MSH4: variants seen among roughly 807,000 people sequenced by gnomAD.
The protein encoded by MSH4 is mutS homolog 4.
MSH4 carries 106 observed loss-of-function variants against 113.7 expected under a neutral mutation model. The observed-to-expected ratio is 0.93, with a 90% confidence interval of 0.80 to 1.10. MSH4 has a LOEUF of 1.10. Ranked by LOEUF, MSH4 falls within the 50% of genes least tolerant of loss-of-function variation. The probability of loss-of-function intolerance (pLI) is 0.00; values close to 1 mark genes in which losing one functional copy is unlikely to be tolerated. For missense variants in MSH4, 1,061 were observed against 1,093.7 expected (o/e 0.97, Z 0.42); for synonymous variants, 368 against 380.2 (o/e 0.97, Z 0.37).
At chr1:75,797,291 CG>C in intron 1 of MSH4, 62 bp downstream of exon 1, 2 of 1,537,856 alleles carry the variant, frequency 1.3e-6, no homozygotes, top group Non-Finnish European at 8.8e-7. Flanking sequence ...CATGGAGGCT[CG>C]GGGGCACGTG....
At position 75,810,769 on chromosome 1, in the gene MSH4, T is replaced by C; in HGVS notation, c.661T>C (p.Ser221Pro). 3 of 1,591,070 alleles carry C rather than the reference T, an allele frequency of 1.9e-6. No homozygotes were observed. The highest frequency in any genetic ancestry group is 2.6e-6 in the Non-Finnish European group (3 of 1,170,618). ...MSNTACAVGNSTKLFTLITEN... is the reference protein window; with the variant it reads ...MSNTACAVGNPTKLFTLITEN... Reference sequence around the variant, plus strand: ...AAATACTGCTTGTGCTGTGGGGAATTCCACCAAGTTGTTCACTCTGATCAC... The same window carrying C: ...AAATACTGCTTGTGCTGTGGGGAATCCCACCAAGTTGTTCACTCTGATCAC... Residue 221 changes from serine (S) to proline (P), a missense_variant, in exon 4 of 20, where the codon TCC becomes CCC. Physicochemically the swap from Ser to Pro is moderately conservative, Grantham distance 74. Transcript: ENST00000263187.
intron 1 of MSH4, among the ~76,000 whole-genome samples, chr1:75,799,077 A>T (rs1185332533): frequency 6.6e-6 from 1 of 152,188 alleles, no homozygotes. Context: ...CTGCTTTCTA[A>T]CAAAACTGAG....
At chr1:75,821,284 AC>A (rs1219377167) in intron 6 of MSH4, among the ~76,000 whole-genome samples, 2 of 152,168 alleles carry the variant, frequency 1.3e-5, no homozygotes, top group Non-Finnish European at 2.9e-5. Context: ...TAGAAACTGA[AC>A]AACCTGCTCC....
rs1231340278 is a variant in MSH4 at position 75,824,248 on chromosome 1, A to G, written c.1162+1667A>G. On this transcript the variant is annotated intron_variant, in intron 7 of 19. Transcript: ENST00000263187. The stretch of plus-strand genomic sequence containing the variant: ...CCAGTGATGATGAGCTTTTTTTCAT[A>G]TGTTTGATGGCCGCACAAATGTCTT... Among the ~76,000 whole-genome samples the G allele has an allele frequency of 2.0e-5, 3 of 152,090 alleles. No individual in the cohort carries two copies. In the East Asian group the frequency reaches 5.8e-4, roughly 29 times the overall value.
At chr1:75,905,695 T>C (rs1421406930) in intron 19 of MSH4, among the ~76,000 whole-genome samples, 3 of 152,162 alleles carry the variant, frequency 2.0e-5, no homozygotes, top group African/African-American at 7.2e-5. Context: ...TCTCTTTATA[T>C]CTATGAATTT....
Position 75,858,428 on chromosome 1 carries a change from G to A in MSH4, c.1231-9086G>A, listed in dbSNP as rs1410947742. Among the ~76,000 whole-genome samples the A allele has an allele frequency of 2.0e-5, 3 of 152,168 alleles. 1 individual carries two copies. Among genetic ancestry groups the A allele is most frequent in the South Asian group, 4.1e-4 (2 of 4,834 alleles). On this transcript the variant is annotated intron_variant, in intron 8 of 19. Coordinates refer to ENST00000263187, the MANE Select transcript of MSH4 (RefSeq NM_002440.4). ...TGTCATTAATAGCTCTTATTATGTT[G>A]AGATACATTCCATTGATACCCACTT... is the stretch of plus-strand genomic sequence containing the variant.
At chr1:75,867,640 T>A in intron 9 of MSH4, 52 bp downstream of exon 9, 2 of 1,258,748 alleles carry the variant, frequency 1.6e-6, no homozygotes, top group Non-Finnish European at 2.2e-6. Context: ...ATTTTTTAAC[T>A]TTTTGTTGGA....
chr1:75,851,368 T>A (rs1402638028), intron 8 of MSH4, among the ~76,000 whole-genome samples: 1 of 152,066 alleles, frequency 6.6e-6, no homozygotes, highest in Non-Finnish European at 1.5e-5. Flanking sequence ...TGACTTAGGG[T>A]TTATAGACTA....
intron 19 of MSH4, among the ~76,000 whole-genome samples, chr1:75,907,706 A>ATATATATATG (rs1652697454): frequency 7.6e-6 from 1 of 131,868 alleles, no homozygotes; most frequent in Admixed American, 7.7e-5. Flanking sequence ...ATATATATAT[A>ATATATATATG]TATATATATA....
chr1:75,885,946 A>G (rs3930135), intron 15 of MSH4, among the ~76,000 whole-genome samples: 6,059 of 19,334 alleles, frequency 0.31, 686 homozygotes, highest in East Asian at 0.89. Flanking sequence ...AACATATATA[A>G]TATATATGAT....
intron 6 of MSH4, among the ~76,000 whole-genome samples, chr1:75,817,960 T>C (rs1650326794): frequency 6.6e-6 from 1 of 152,188 alleles, no homozygotes; most frequent in African/African-American, 2.4e-5. Context: ...CACCTCAGAT[T>C]TGATCCATCA....
chr1:75,848,752 T>C (rs5745411), intron 8 of MSH4, among the ~76,000 whole-genome samples: 39,459 of 151,916 alleles, frequency 0.26, 6,525 homozygotes, highest in East Asian at 0.68. Context: ...AAAAAATTGC[T>C]TTTTAGATAG....
chr1:75,849,689 G>A (rs1465624647), intron 8 of MSH4, among the ~76,000 whole-genome samples: 3 of 152,244 alleles, frequency 2.0e-5, no homozygotes, highest in Non-Finnish European at 2.9e-5. Context: ...AATTAAATTA[G>A]CAGCCCTCAT....
At chr1:75,819,261 C>G (rs778855415) in intron 6 of MSH4, among the ~76,000 whole-genome samples, 5 of 152,076 alleles carry the variant, frequency 3.3e-5, no homozygotes, top group Non-Finnish European at 5.9e-5. Context: ...GGCAGGCCAA[C>G]GTGGGTGGAT....
chr1:75,829,620 C>T (rs1416360527), intron 7 of MSH4, among the ~76,000 whole-genome samples: 1 of 152,162 alleles, frequency 6.6e-6, no homozygotes, highest in African/African-American at 2.4e-5. Flanking sequence ...CAACATCTGC[C>T]GTTCTGCAAT....
At position 75,892,095 on chromosome 1, in the gene MSH4, A is replaced by G. The variant is rs184713060; in HGVS notation, c.2355+1271A>G. Among the ~76,000 whole-genome samples, 180 of 152,278 alleles carry G rather than the reference A, an allele frequency of 1.2e-3. 2 individuals are homozygous for G. In the Middle Eastern group the frequency reaches 0.044, roughly 37 times the overall value. Reference sequence around the variant, plus strand: ...TAATGTGGGTGGGTCCCACTCAATAAATGCAAGCCTGAATAGAACAAAAAG... The same window carrying G: ...TAATGTGGGTGGGTCCCACTCAATAGATGCAAGCCTGAATAGAACAAAAAG... On this transcript the variant is annotated intron_variant, in intron 17 of 19. Coordinates refer to ENST00000263187, the MANE Select transcript of MSH4 (RefSeq NM_002440.4).
chr1:75,819,337 A>T (rs562050057), intron 6 of MSH4, among the ~76,000 whole-genome samples: 17 of 152,228 alleles, frequency 1.1e-4, no homozygotes, highest in African/African-American at 4.1e-4. Context: ...TACCAAAAAT[A>T]CAAAATTTAG....
chr1:75,862,775 A>G (rs1651486435), intron 8 of MSH4, among the ~76,000 whole-genome samples: 1 of 152,166 alleles, frequency 6.6e-6, no homozygotes, highest in African/African-American at 2.4e-5. Context: ...ATTTGCTAAA[A>G]CTTGTGAATG....
chr1:75,898,527 T>TA (rs1205205885), intron 18 of MSH4, among the ~76,000 whole-genome samples: 1 of 151,434 alleles, frequency 6.6e-6, no homozygotes, highest in Non-Finnish European at 1.5e-5. Context: ...CATATTTTTT[T>TA]TTTTTTTTTG....
Sources: allele counts gnomAD v4.1 joint callset (sites outside exome capture counted in the v4.1 genomes callset), GRCh38; gene constraint gnomAD v4.1.1; transcripts MANE v1.5; gene names NCBI Gene and HGNC (gene_info 2026-07-23, HGNC 2026-07-21).